Variants in ATP1B3 observed in about 807,000 individuals in gnomAD.
ATP1B3 encodes ATPase Na+/K+ transporting subunit beta 3.
ATP1B3 carries 10 observed loss-of-function variants against 30.2 expected under a neutral mutation model. The ratio of observed to expected loss-of-function variants is 0.33; its 90% CI spans 0.20 to 0.56. The LOEUF is 0.56. Ranked by LOEUF, ATP1B3 falls within the 20% of genes least tolerant of loss-of-function variation. The pLI is 0.90. For synonymous variants in ATP1B3, 113 were observed against 117.0 expected, an observed-to-expected ratio of 0.97 and a Z score of 0.22; for missense variants, 238 against 336.7, an observed-to-expected ratio of 0.71 and a Z score of 2.29.
At chr3:141,895,206 T>A (rs1934040252) in intron 1 of ATP1B3, among the ~76,000 whole-genome samples, 5 of 150,378 alleles carry the variant, frequency 3.3e-5, no homozygotes, top group Admixed American at 2.0e-4. Context: ...TTTTTTTTTT[T>A]AAGATGGACT....
At chr3:141,911,391 T>C (rs1934357484) in intron 3 of ATP1B3, among the ~76,000 whole-genome samples, 2 of 152,276 alleles carry the variant, frequency 1.3e-5, no homozygotes, top group Admixed American at 1.3e-4. Context: ...TAATGTCTTC[T>C]CTATTTTTTT....
chr3:141,903,238 C>G (rs1167319933), intron 1 of ATP1B3, among the ~76,000 whole-genome samples: 1 of 152,124 alleles, frequency 6.6e-6, no homozygotes, highest in Non-Finnish European at 1.5e-5. Context: ...CTTAAAGGAT[C>G]ATGTAAATAT....
rs1933660001 is a variant in ATP1B3 at position 141,878,907 on chromosome 3, A to G, written c.109+1997A>G. ...GTCGTGAGAGGAGGCCGAAATCCAT[A>G]TTCAGCTTGCCAGGCTGTGTATCCT... On this transcript the variant is annotated intron_variant, in intron 1 of 6. Coordinates refer to ENST00000286371, the MANE Select transcript of ATP1B3 (RefSeq NM_001679.4). 4.6e-5 allele frequency among the ~76,000 whole-genome samples: 7 copies of G among 152,214 alleles called. No homozygotes were observed. In the South Asian group the frequency reaches 1.4e-3, roughly 32 times the overall value.
chr3:141,897,824 C>G (rs1382512988), intron 1 of ATP1B3, among the ~76,000 whole-genome samples: 2 of 152,182 alleles, frequency 1.3e-5, no homozygotes, highest in Non-Finnish European at 2.9e-5. Flanking sequence ...ATTCTCCCAC[C>G]TCAGCCTCCT....
chr3:141,888,304 A>G (rs75914955), intron 1 of ATP1B3, among the ~76,000 whole-genome samples: 188 of 152,286 alleles, frequency 1.2e-3, no homozygotes, highest in Non-Finnish European at 2.2e-3. Flanking sequence ...AGTGTTTCCT[A>G]CAGATGACTA....
chr3:141,921,983 G>A lies in ATP1B3; in HGVS notation c.589G>A (p.Asp197Asn). The change falls in exon 6 of 7, where the codon GAT becomes AAT. Residue 197 changes from aspartate to asparagine, a missense_variant. By Grantham distance (23) the Asp-to-Asn change is conservative (BLOSUM62 1). Transcript: ENST00000286371. ...PRIDCVSKNE[D>N]IPNVAVYPHN... ...CTTTTGTTTTCAACTTCAGAATGAA[G>A]ATATACCAAATGTAGCAGTTTATCC... is the stretch of plus-strand genomic sequence containing the variant. 6.6e-7 allele frequency: 1 copy of A among 1,516,708 alleles called. No individual in the cohort carries two copies. The highest frequency in any genetic ancestry group is 2.3e-5 in the East Asian group (1 of 42,926). 94.0% of individuals were successfully genotyped at this position (1,516,708 alleles called of 1,614,324 possible).
intron 1 of ATP1B3, among the ~76,000 whole-genome samples, chr3:141,877,152 T>C (rs1174245001): frequency 6.7e-6 from 1 of 149,976 alleles, no homozygotes; most frequent in Admixed American, 6.6e-5. Flanking sequence ...GCCGCGCTGG[T>C]TCCTCCCTCC....
chr3:141,901,135 C>T (rs1327803442), intron 1 of ATP1B3, among the ~76,000 whole-genome samples: 6 of 152,160 alleles, frequency 3.9e-5, no homozygotes, highest in Admixed American at 3.9e-4. Context: ...AGATTTTAAA[C>T]TAGCTAGGGA....
chr3:141,877,055 G>C, intron 1 of ATP1B3, 145 bp downstream of exon 1: 1 of 466,364 alleles, frequency 2.1e-6, no homozygotes. Flanking sequence ...CGGCGGCGCA[G>C]TGCGGCCCCA....
intron 1 of ATP1B3, among the ~76,000 whole-genome samples, chr3:141,889,750 A>AATATATATAT (rs1553743803): frequency 2.5e-5 from 2 of 79,116 alleles, no homozygotes; most frequent in African/African-American, 9.5e-5. Flanking sequence ...AAAAAAAAAA[A>AATATATATAT]ATATATACAC....
chr3:141,896,929 A>C (rs1222977708), intron 1 of ATP1B3, among the ~76,000 whole-genome samples: 1 of 151,996 alleles, frequency 6.6e-6, no homozygotes, highest in Non-Finnish European at 1.5e-5. Context: ...GTGTGTTTAG[A>C]CTTTCCTATT....
At position 141,921,100 on chromosome 3, in the gene ATP1B3, T is replaced by G. The variant is rs190197243; in HGVS notation, c.583-877T>G. Among the ~76,000 whole-genome samples, 755 of 152,258 alleles carry G rather than the reference T, an allele frequency of 5.0e-3. 2 individuals carry two copies. The highest frequency in any genetic ancestry group is 8.1e-3 in the Non-Finnish European group (548 of 68,040). The stretch of plus-strand genomic sequence containing the variant: ...TTATATATATATAAAATTCAAGTAT[T>G]TAATAATGTTTTATTTTAACTAGTG... On this transcript the variant is annotated intron_variant, in intron 5 of 6. Transcript: ENST00000286371.
intron 2 of ATP1B3, among the ~76,000 whole-genome samples, chr3:141,906,801 A>T (rs1045953156): frequency 6.6e-6 from 1 of 152,240 alleles, no homozygotes; most frequent in African/African-American, 2.4e-5. Context: ...GATTTGCTCA[A>T]ATTTTTTTCC....
intron 5 of ATP1B3, chr3:141,916,325 AATTG>A: frequency 2.1e-6 from 1 of 480,220 alleles, no homozygotes; most frequent in South Asian, 1.6e-5. Context: ...TTACCCTTGT[AATTG>A]ATGGTGTCTT....
chr3:141,922,217 T>C (rs1015734462), intron 6 of ATP1B3, 154 bp downstream of exon 6: 2 of 524,490 alleles, frequency 3.8e-6, no homozygotes, highest in East Asian at 3.9e-5. Flanking sequence ...TGATGGTAAA[T>C]GGAGTTCCCA....
chr3:141,907,349 G>GTAGA, intron 3 of ATP1B3, 75 bp downstream of exon 3: 2 of 1,224,276 alleles, frequency 1.6e-6, no homozygotes, highest in Middle Eastern at 5.4e-4. Context: ...GCCGGGCACG[G>GTAGA]TAGCTCACGC....
At chr3:141,877,642 G>A (rs1272476315) in intron 1 of ATP1B3, 2 of 150,822 alleles carry the variant, frequency 1.3e-5, no homozygotes, top group Non-Finnish European at 2.9e-5. Context: ...AGTAAATCCT[G>A]TCTGAACAAC....
intron 1 of ATP1B3, among the ~76,000 whole-genome samples, chr3:141,892,651 C>CAAAAAAA (rs386398103): frequency 2.9e-5 from 2 of 70,014 alleles, no homozygotes; most frequent in Non-Finnish European, 5.1e-5. Flanking sequence ...GAGACTGTCT[C>CAAAAAAA]AAAAAAAAAA....
rs1240847623 is a variant in ATP1B3 at position 141,921,967 on chromosome 3, T to G, written c.583-10T>G. On this transcript the variant is annotated splice_polypyrimidine_tract_variant and intron_variant, in intron 5 of 6. Coordinates refer to ENST00000286371, the MANE Select transcript of ATP1B3 (RefSeq NM_001679.4). ...GACCTAAAGAGGATTTCTTTTGTTT[T>G]CAACTTCAGAATGAAGATATACCAA... The G allele has an allele frequency of 6.9e-7, 1 of 1,455,622 alleles. No individual in the cohort carries two copies. 90.2% of individuals were successfully genotyped at this position (1,455,622 alleles called of 1,614,324 possible).
Sources: gnomAD v4.1 joint callset for allele counts (sites outside exome capture counted in the v4.1 genomes callset) on GRCh38, gnomAD v4.1.1 for gene constraint, MANE v1.5 for transcripts, NCBI Gene and HGNC (gene_info 2026-07-23, HGNC 2026-07-21) for gene names.